Variants in GLIS1 observed in about 807,000 individuals in gnomAD.
GLIS1 encodes GLIS family zinc finger 1.
A neutral mutation model predicts 63.8 loss-of-function variants in GLIS1; 24 were observed. That is an observed-to-expected ratio of 0.38 (90% confidence interval 0.27 to 0.53). GLIS1 has a LOEUF of 0.53. GLIS1 is among the 20% of genes least tolerant of loss of function. GLIS1 has a pLI of 0.85. For missense variants in GLIS1, 1,036 were observed against 1,074.1 expected, an observed-to-expected ratio of 0.96 and a Z score of 0.50; for synonymous variants, 450 against 482.5, an observed-to-expected ratio of 0.93 and a Z score of 0.88.
intron 2 of GLIS1, among the ~76,000 whole-genome samples, chr1:53,633,207 T>C (rs1356248199): frequency 7.3e-6 from 1 of 137,106 alleles, no homozygotes; most frequent in African/African-American, 2.8e-5. Context: ...TGAATGTGAC[T>C]GAGGAGTGTG....
At chr1:53,721,866 CTTA>C (rs1646759147) in intron 2 of GLIS1, among the ~76,000 whole-genome samples, 2 of 152,044 alleles carry the variant, frequency 1.3e-5, no homozygotes, top group South Asian at 4.2e-4. Context: ...TCATAAAAAA[CTTA>C]TTAAGACAGC....
chr1:53,614,987 C>T (rs1257821206), intron 2 of GLIS1, among the ~76,000 whole-genome samples: 1 of 151,980 alleles, frequency 6.6e-6, no homozygotes, highest in Non-Finnish European at 1.5e-5. Flanking sequence ...TTAAAAATCT[C>T]TATATTATAT....
rs905978844 is a variant in GLIS1 at position 53,526,321 on chromosome 1, G to A, written c.1483-1434C>T. 1.3e-5 allele frequency among the ~76,000 whole-genome samples: 2 copies of A among 152,186 alleles called. No homozygotes were observed. The highest frequency in any genetic ancestry group is 2.9e-5 in the Non-Finnish European group (2 of 68,034). On this transcript the variant is annotated intron_variant, in intron 5 of 10. Transcript: ENST00000628545. This position sits in a 1 kb window ranked among gnomAD's most constrained non-coding sequence, Gnocchi z 4.4. ...CCATGGCCCTGGGACCTCATGAGGA[G>A]GGGAAGCAGAAAGAGACGACCATAC...
intron 2 of GLIS1, among the ~76,000 whole-genome samples, chr1:53,650,589 CAAA>C (rs61374751): frequency 2.0e-4 from 21 of 105,478 alleles, no homozygotes; most frequent in Admixed American, 1.9e-4. Flanking sequence ...GACTTCATCT[CAAA>C]AAAAAAAAAA....
At chr1:53,669,440 G>A (rs1213945832) in intron 2 of GLIS1, among the ~76,000 whole-genome samples, 1 of 152,224 alleles carries the variant, frequency 6.6e-6, no homozygotes, top group African/African-American at 2.4e-5. Context: ...AAGGGAAGGG[G>A]AGGGGTAAGA....
chr1:53,670,554 A>G (rs1570021093), intron 2 of GLIS1, among the ~76,000 whole-genome samples: 1 of 152,254 alleles, frequency 6.6e-6, no homozygotes, highest in African/African-American at 2.4e-5. Flanking sequence ...AGAGGAAGAC[A>G]CCTTCCATCC....
intron 2 of GLIS1, among the ~76,000 whole-genome samples, chr1:53,703,150 C>A (rs1475764561): frequency 1.3e-5 from 2 of 152,236 alleles, no homozygotes; most frequent in Non-Finnish European, 2.9e-5. Flanking sequence ...ACGTTTACTG[C>A]ATGTTTGGTC....
At chr1:53,680,957 A>G (rs1181335648) in intron 2 of GLIS1, among the ~76,000 whole-genome samples, 1 of 152,210 alleles carries the variant, frequency 6.6e-6, no homozygotes, top group East Asian at 1.9e-4. Context: ...CCACTGCCCA[A>G]CACATCTACC....
chr1:53,636,308 C>A (rs1434350349), intron 2 of GLIS1, among the ~76,000 whole-genome samples: 1 of 152,132 alleles, frequency 6.6e-6, no homozygotes, highest in African/African-American at 2.4e-5. Flanking sequence ...AATCACTTAA[C>A]GCTATTCACC....
intron 2 of GLIS1, among the ~76,000 whole-genome samples, chr1:53,625,480 A>G (rs140338281): frequency 2.0e-5 from 3 of 152,366 alleles, no homozygotes; most frequent in African/African-American, 4.8e-5. Context: ...CCTTGACACA[A>G]CTAAATCCCA....
rs554312132 is a variant in GLIS1 at position 53,506,263 on chromosome 1, T to C, written c.*356A>G. On this transcript the variant is annotated 3_prime_UTR_variant, in exon 11 of 11. Coordinates refer to ENST00000628545, the MANE Select transcript of GLIS1 (RefSeq NM_001367484.1). ...CTCCTTTCCAGTTTTTAATGTTTTT[T>C]CTTGTAAAACCAAAAATATAAAACT... 123 of 251,082 alleles carry C rather than the reference T, an allele frequency of 4.9e-4. No homozygotes were observed. Among genetic ancestry groups the C allele is most frequent in the African/African-American group, 2.6e-3 (120 of 45,628 alleles). The allele number at this position is 251,082 out of a possible 1,614,324, so 15.6% of individuals were successfully genotyped here. A position where few individuals can be genotyped will look rare whatever the true frequency, so the allele number is the denominator to read the frequency against.
In GLIS1 at chr1:53,656,456, C is replaced by T. The variant is rs1188405618; in HGVS notation, c.260-56178G>A. On this transcript the variant is annotated intron_variant, in intron 2 of 10. Transcript: ENST00000628545. ...AGCCTCTAGTATTTACAAGCAAGCA[C>T]AAATCTGTGAGAAAATTCAATTGAA... Among the ~76,000 whole-genome samples, 4 of 152,206 alleles carry T rather than the reference C, an allele frequency of 2.6e-5. No individual in the cohort carries two copies. The East Asian group carries it at 7.7e-4, about 29-fold the overall frequency.
intron 2 of GLIS1, among the ~76,000 whole-genome samples, chr1:53,628,298 AGCCT>A (rs1426271725): frequency 1.6e-4 from 24 of 152,290 alleles, no homozygotes; most frequent in African/African-American, 4.8e-4. Flanking sequence ...CTAGAGAGCT[AGCCT>A]CAATAGATTT....
intron 4 of GLIS1, among the ~76,000 whole-genome samples, chr1:53,549,379 A>G (rs991439208): frequency 6.6e-6 from 1 of 152,246 alleles, no homozygotes; most frequent in Non-Finnish European, 1.5e-5. Flanking sequence ...CTACTGCACA[A>G]TTGCACATTC....
At chr1:53,557,558 A>G (rs1318506067) in intron 4 of GLIS1, among the ~76,000 whole-genome samples, 3 of 152,202 alleles carry the variant, frequency 2.0e-5, no homozygotes, top group African/African-American at 7.2e-5. Context: ...ACCCAGATGC[A>G]GAGCAGCCAT....
intron 2 of GLIS1, among the ~76,000 whole-genome samples, chr1:53,722,777 G>A (rs1646768638): frequency 6.6e-6 from 1 of 151,200 alleles, no homozygotes; most frequent in Non-Finnish European, 1.5e-5. Flanking sequence ...AGGCTACAGT[G>A]AGCTGTGATT....
At chr1:53,517,486 A>C (rs1181278119) in intron 7 of GLIS1, among the ~76,000 whole-genome samples, 1 of 151,946 alleles carries the variant, frequency 6.6e-6, no homozygotes. Flanking sequence ...ATCTTGAACC[A>C]ATTTGGGGGC....
intron 2 of GLIS1, among the ~76,000 whole-genome samples, chr1:53,623,638 GAATCTC>G (rs1645567669): frequency 6.6e-6 from 1 of 152,024 alleles, no homozygotes; most frequent in South Asian, 2.1e-4. Context: ...AAGTCCTATG[GAATCTC>G]TAAAAACAAA....
At chr1:53,597,368 GA>G (rs529996482) in intron 3 of GLIS1, among the ~76,000 whole-genome samples, 2,008 of 99,988 alleles carry the variant, frequency 0.02, 39 homozygotes, top group African/African-American at 0.063. Flanking sequence ...GCGAGACCCA[GA>G]AAAAAAAAAA....
Sources: allele counts gnomAD v4.1 joint callset (sites outside exome capture counted in the v4.1 genomes callset), GRCh38; gene constraint gnomAD v4.1.1; non-coding constraint Gnocchi (gnomAD v3.1); transcripts MANE v1.5; gene names NCBI Gene and HGNC (gene_info 2026-07-23, HGNC 2026-07-21).